CTNNA3: variants seen among roughly 807,000 people sequenced by gnomAD.
The protein encoded by CTNNA3 is catenin alpha 3, also known as catenin alpha-3.
Under a neutral mutation model 95.7 loss-of-function variants are expected in CTNNA3, and 76 were observed. The ratio of observed to expected loss-of-function variants is 0.79; its 90% CI spans 0.66 to 0.96. CTNNA3 has a LOEUF of 0.96. Ranked by LOEUF, CTNNA3 falls within the 40% of genes least tolerant of loss-of-function variation. CTNNA3 has a pLI of 0.00. For synonymous variants in CTNNA3, 431 were observed against 374.4 expected (o/e 1.15, Z -1.74); for missense variants, 1,191 against 1,089.8 (o/e 1.09, Z -1.31).
At chr10:67,388,945 G>A (rs1219034516) in intron 5 of CTNNA3, among the ~76,000 whole-genome samples, 124 of 152,156 alleles carry the variant, frequency 8.1e-4, no homozygotes, top group Non-Finnish European at 1.0e-3. Context: ...AGTACCAGCC[G>A]CTGCAAAATC....
intron 5 of CTNNA3, among the ~76,000 whole-genome samples, chr10:67,406,071 C>T (rs1157929088): frequency 6.6e-6 from 1 of 152,136 alleles, no homozygotes; most frequent in Non-Finnish European, 1.5e-5. Context: ...CTCAGGAGAG[C>T]TGATGGTTTT....
At chr10:67,270,102 C>T (rs1838905996) in intron 5 of CTNNA3, among the ~76,000 whole-genome samples, 1 of 147,674 alleles carries the variant, frequency 6.8e-6, no homozygotes. Context: ...GGAAGAACAG[C>T]TGGATAATTT....
Position 67,471,089 on chromosome 10 carries a change from G to T in CTNNA3, c.579+50753C>A, listed in dbSNP as rs564677959. On this transcript the variant is annotated intron_variant, in intron 5 of 17. Transcript: ENST00000433211. ...GCCTCAGCCTCCCAAAGCACGGGGG[G>T]GTGGGGCAATTACCGGTGTGAGCCA... 3.5e-4 allele frequency among the ~76,000 whole-genome samples: 54 copies of T among 152,124 alleles called. 1 individual carries two copies. The highest frequency in any genetic ancestry group is 3.1e-3 in the South Asian group (15 of 4,810).
At chr10:66,296,003 C>A (rs1333016759) in intron 12 of CTNNA3, among the ~76,000 whole-genome samples, 3 of 152,136 alleles carry the variant, frequency 2.0e-5, no homozygotes, top group Non-Finnish European at 2.9e-5. Flanking sequence ...GCATACCTAA[C>A]TTTTGTAGTT....
intron 11 of CTNNA3, among the ~76,000 whole-genome samples, chr10:66,405,651 G>A (rs1357205259): frequency 6.6e-6 from 1 of 152,046 alleles, no homozygotes; most frequent in Admixed American, 6.6e-5. Context: ...TTTGCTTTGG[G>A]TAGCACTACC....
chr10:66,642,338 C>T (rs779581343), intron 9 of CTNNA3, among the ~76,000 whole-genome samples: 4 of 151,254 alleles, frequency 2.6e-5, no homozygotes, highest in African/African-American at 4.9e-5. Context: ...ATTCCCTCCA[C>T]CCAGAAAACA....
intron 7 of CTNNA3, among the ~76,000 whole-genome samples, chr10:66,821,159 T>C (rs1842293036): frequency 6.6e-6 from 1 of 152,184 alleles, no homozygotes; most frequent in African/African-American, 2.4e-5. Flanking sequence ...GCACATAGTT[T>C]CCTTGTAAAT....
chr10:66,714,728 G>A (rs540712703), intron 9 of CTNNA3, among the ~76,000 whole-genome samples: 65 of 152,212 alleles, frequency 4.3e-4, no homozygotes, highest in African/African-American at 1.4e-3. Context: ...TGGAGGTGGG[G>A]CCCAGCCATC....
intron 15 of CTNNA3, among the ~76,000 whole-genome samples, chr10:66,004,734 G>C (rs943763077): frequency 1.3e-5 from 2 of 152,110 alleles, no homozygotes; most frequent in African/African-American, 4.8e-5. Flanking sequence ...TGAAATTCTT[G>C]CATCACCCTA....
chr10:67,497,857 CA>C (rs1357381379), intron 5 of CTNNA3, among the ~76,000 whole-genome samples: 1 of 152,132 alleles, frequency 6.6e-6, no homozygotes, highest in African/African-American at 2.4e-5. Flanking sequence ...GGATAGGTTG[CA>C]AAAATCTTCT....
At chr10:67,474,665 A>T (rs1461261964) in intron 5 of CTNNA3, among the ~76,000 whole-genome samples, 2 of 152,230 alleles carry the variant, frequency 1.3e-5, no homozygotes, top group Non-Finnish European at 2.9e-5. Flanking sequence ...GCACATGAAA[A>T]GATTATTAAC....
At chr10:67,211,335 T>C (rs927193109) in intron 6 of CTNNA3, among the ~76,000 whole-genome samples, 1 of 151,506 alleles carries the variant, frequency 6.6e-6, no homozygotes, top group Non-Finnish European at 1.5e-5. Context: ...CGGGTCCATA[T>C]AACAGCAAAC....
At chr10:67,251,185 G>A (rs535619406) in intron 5 of CTNNA3, among the ~76,000 whole-genome samples, 42 of 152,252 alleles carry the variant, frequency 2.8e-4, no homozygotes, top group South Asian at 6.2e-4. Flanking sequence ...ATGCAACAAC[G>A]TGGATGAATC....
chr10:66,715,537 T>A (rs549973505), intron 9 of CTNNA3, among the ~76,000 whole-genome samples: 166 of 152,330 alleles, frequency 1.1e-3, no homozygotes, highest in African/African-American at 4.0e-3. Flanking sequence ...AAATATGTTC[T>A]ATCATTGTGC....
chr10:66,822,808 T>C (rs1322903311), intron 7 of CTNNA3, among the ~76,000 whole-genome samples: 1 of 152,218 alleles, frequency 6.6e-6, no homozygotes. Context: ...GGAATGAAAC[T>C]GCTACTTTGG....
In CTNNA3 at chr10:66,595,606, G is replaced by A. The variant is rs1911337; in HGVS notation, c.1374+26086C>T. ...CCTGCCTCAGCCTCCCAAAGTGCTG[G>A]GATTATAGGCGTCAGCCACCGCACC... is the stretch of plus-strand genomic sequence containing the variant. On this transcript the variant is annotated intron_variant, in intron 10 of 17. Transcript: ENST00000433211. 2.0e-3 allele frequency among the ~76,000 whole-genome samples: 300 copies of A among 151,998 alleles called. 2 individuals carry two copies. The highest frequency in any genetic ancestry group is 6.8e-3 in the African/African-American group (283 of 41,446).
At chr10:66,602,988 A>G (rs1215735236) in intron 10 of CTNNA3, among the ~76,000 whole-genome samples, 2 of 152,042 alleles carry the variant, frequency 1.3e-5, no homozygotes, top group East Asian at 3.9e-4. Flanking sequence ...TAGCAATCAT[A>G]GTGAATGGGG....
intron 11 of CTNNA3, among the ~76,000 whole-genome samples, chr10:66,470,162 A>G (rs997168452): frequency 6.6e-6 from 1 of 151,886 alleles, no homozygotes; most frequent in African/African-American, 2.4e-5. Context: ...CAATTCCTCT[A>G]TTGGAACTGG....
intron 16 of CTNNA3, among the ~76,000 whole-genome samples, chr10:65,985,000 T>C (rs2078398444): frequency 6.6e-6 from 1 of 150,692 alleles, no homozygotes; most frequent in Non-Finnish European, 1.5e-5. Context: ...AAAAAAGGAT[T>C]AATAAAATTT....
Sources: gnomAD v4.1 joint callset for allele counts (sites outside exome capture counted in the v4.1 genomes callset) on GRCh38, gnomAD v4.1.1 for gene constraint, MANE v1.5 for transcripts, NCBI Gene and HGNC (gene_info 2026-07-23, HGNC 2026-07-21) for gene names.